CAPG: variants seen among roughly 807,000 people sequenced by gnomAD.
The protein encoded by CAPG is capping actin protein, gelsolin like.
In CAPG, 32 loss-of-function variants were observed where a neutral mutation model predicts 44.6. The ratio of observed to expected loss-of-function variants is 0.72; its 90% CI spans 0.54 to 0.96. The LOEUF is 0.96. Ranked by LOEUF, CAPG falls within the 50% of genes least tolerant of loss-of-function variation. The probability of loss-of-function intolerance (pLI) is 0.00; values close to 1 mark genes in which losing one functional copy is unlikely to be tolerated. For missense variants in CAPG, 412 were observed against 438.3 expected (o/e 0.94, Z 0.54); for synonymous variants, 175 against 179.6 (o/e 0.97, Z 0.20).
chr2:85,416,904 TGGGGAATGGCCA>T (rs545620701), intron 1 of CAPG, among the ~76,000 whole-genome samples: 43 of 152,320 alleles, frequency 2.8e-4, no homozygotes, highest in South Asian at 1.0e-3. Context: ...TCACAGGCCC[TGGGGAATGGCCA>T]GGGGTCTGGG....
chr2:85,405,910 G>A lies in CAPG; in HGVS notation c.-13-3752C>T, dbSNP rs544292910. Among the ~76,000 whole-genome samples, 11 of 152,296 alleles carry A rather than the reference G, an allele frequency of 7.2e-5. No individual in the cohort carries two copies. In the South Asian group the frequency reaches 8.3e-4, roughly 11 times the overall value. On this transcript the variant is annotated intron_variant, in intron 1 of 9. Coordinates refer to ENST00000263867, the MANE Select transcript of CAPG (RefSeq NM_001747.4). The stretch of plus-strand genomic sequence containing the variant: ...CAGGGAGCGCTCAAGAATGAGACAC[G>A]GAGTGCGCCAATTGTCACCTTTACT...
At chr2:85,393,040 CT>C (rs762098033), downstream of CAPG, among the ~76,000 whole-genome samples, 183 of 144,400 alleles carry the variant, frequency 1.3e-3, no homozygotes, top group Non-Finnish European at 1.3e-3. Context: ...ATGCAAAAAT[CT>C]TTTTTTTTTT....
At chr2:85,400,345 A>C (rs1462581262) in intron 5 of CAPG, among the ~76,000 whole-genome samples, 2 of 152,090 alleles carry the variant, frequency 1.3e-5, no homozygotes, top group Non-Finnish European at 2.9e-5. Flanking sequence ...GGTAATGGCG[A>C]GGTCTGTTCA....
upstream of CAPG, among the ~76,000 whole-genome samples, chr2:85,412,462 G>C (rs977402079): frequency 2.0e-5 from 3 of 152,082 alleles, no homozygotes; most frequent in African/African-American, 7.2e-5. Context: ...GCAGTGAGCC[G>C]AGATTGCGCC....
In CAPG at chr2:85,395,818, G is replaced by A. The variant is rs753067172; in HGVS notation, c.893-192C>T. ...AGTCCCTTAAGAATTTTCCCAAACC[G>A]GCAGCACCAAGGTAGATGAAAACCC... On this transcript the variant is annotated intron_variant, in intron 8 of 9. Coordinates refer to ENST00000263867, the MANE Select transcript of CAPG (RefSeq NM_001747.4). The surrounding 1 kb of genome is among the most constrained non-coding windows in gnomAD (Gnocchi z 4.3). 2.0e-5 allele frequency among the ~76,000 whole-genome samples: 3 copies of A among 152,104 alleles called. No homozygotes were observed. Among genetic ancestry groups the A allele is most frequent in the Admixed American group, 6.5e-5 (1 of 15,274 alleles).
intron 5 of CAPG, among the ~76,000 whole-genome samples, chr2:85,400,913 G>A (rs2104805657): frequency 6.6e-6 from 1 of 152,336 alleles, no homozygotes; most frequent in South Asian, 2.1e-4. Flanking sequence ...GAATGGTCTG[G>A]CAGGCAGTGA....
chr2:85,397,098 C>T (rs188964549), intron 8 of CAPG, among the ~76,000 whole-genome samples: 2 of 152,334 alleles, frequency 1.3e-5, no homozygotes, highest in East Asian at 1.9e-4. Flanking sequence ...AGGTTCACCA[C>T]TCACTGCATA....
At chr2:85,393,482 G>A (rs977792814), downstream of CAPG, among the ~76,000 whole-genome samples, 1 of 152,098 alleles carries the variant, frequency 6.6e-6, no homozygotes, top group African/African-American at 2.4e-5. Flanking sequence ...ACCATCCCTG[G>A]CACCTGCTCT....
At chr2:85,393,638 C>T (rs890408353), downstream of CAPG, among the ~76,000 whole-genome samples, 2 of 152,166 alleles carry the variant, frequency 1.3e-5, no homozygotes, top group Non-Finnish European at 2.9e-5. Flanking sequence ...AATCTCGGCT[C>T]ACTGCAACCT....
intron 5 of CAPG, among the ~76,000 whole-genome samples, chr2:85,400,748 T>G (rs1230176006): frequency 6.6e-6 from 1 of 151,676 alleles, no homozygotes; most frequent in Non-Finnish European, 1.5e-5. Flanking sequence ...ATGGCAGCTG[T>G]CCCCCTTAAA....
chr2:85,401,669 G>C lies in CAPG; in HGVS notation c.211C>G (p.Arg71Gly), dbSNP rs145160691. 14 of 1,614,152 alleles carry C rather than the reference G, an allele frequency of 8.7e-6. No homozygotes were observed. Among genetic ancestry groups the C allele is most frequent in the Non-Finnish European group, 1.1e-5 (13 of 1,180,016 alleles). ...LHLWIGQQSS[R>G]DEQGACAVLA... is the part of the protein sequence containing the mutation. ...ACGGCACAGGCCCCCTGCTCATCCC[G>C]GGATGACTGCTGGCCTGGGACAAGT... The change falls in exon 4 of 10, where the codon CGG (arginine) becomes GGG (glycine). Residue 71 changes from arginine (R) to glycine (G), a missense_variant. Arg to Gly is a moderately radical substitution (Grantham distance 125). Transcript: ENST00000263867.
intron 4 of CAPG, 29 bp downstream of exon 4, chr2:85,401,500 G>T: frequency 6.2e-7 from 1 of 1,611,230 alleles, no homozygotes; most frequent in Non-Finnish European, 8.5e-7. Flanking sequence ...GAAGCTGCAG[G>T]GTGGGGGTGC....
chr2:85,409,884 T>G (rs1687340947), intron 1 of CAPG: 1 of 152,200 alleles, frequency 6.6e-6, no homozygotes, highest in South Asian at 2.1e-4. Flanking sequence ...CCCAAGCCAC[T>G]CCCACCCAAA....
At chr2:85,409,494 A>G (rs543625784) in intron 1 of CAPG, among the ~76,000 whole-genome samples, 2 of 152,234 alleles carry the variant, frequency 1.3e-5, no homozygotes, top group African/African-American at 4.8e-5. Flanking sequence ...TGCCTTCCTC[A>G]GACCCTGATT....
intron 1 of CAPG, among the ~76,000 whole-genome samples, chr2:85,408,177 T>C (rs1018147656): frequency 6.6e-6 from 1 of 152,122 alleles, no homozygotes; most frequent in African/African-American, 2.4e-5. Flanking sequence ...ACTCCATCTC[T>C]GCTAAAAATA....
At chr2:85,415,343 A>G (rs1290573520), upstream of CAPG, among the ~76,000 whole-genome samples, 2 of 152,234 alleles carry the variant, frequency 1.3e-5, no homozygotes, top group Admixed American at 6.5e-5. Flanking sequence ...GCTTCCAGAC[A>G]ACTAGGCCTC....
At chr2:85,402,700 A>T (rs1427003947) in intron 1 of CAPG, among the ~76,000 whole-genome samples, 1 of 151,676 alleles carries the variant, frequency 6.6e-6, no homozygotes, top group Non-Finnish European at 1.5e-5. Context: ...TCCTAACCTC[A>T]AGTGATTTGC....
At chr2:85,401,371 C>T in intron 4 of CAPG, 42 bp from the exon 5 acceptor site, 1 of 1,601,444 alleles carries the variant, frequency 6.2e-7, no homozygotes, top group Non-Finnish European at 8.5e-7. Flanking sequence ...GACAGGAGAC[C>T]CAGAGCCCTC....
rs940279887 is a variant in CAPG at position 85,398,877 on chromosome 2, C to T, written c.667-95G>A. 7.2e-5 allele frequency: 73 copies of T among 1,018,060 alleles called. No homozygotes were observed. The East Asian group carries it at 1.9e-3, about 27-fold the overall frequency. The allele number at this position is 1,018,060 out of a possible 1,614,324, so 63.1% of individuals were successfully genotyped here. Reference sequence around the variant, plus strand: ...GGGCCACTGCTTCTGGTGGGGCAAACTGCGCCCTGCACTAGGGCACCCAGC... The same window carrying T: ...GGGCCACTGCTTCTGGTGGGGCAAATTGCGCCCTGCACTAGGGCACCCAGC... On this transcript the variant is annotated intron_variant, in intron 6 of 9. Coordinates refer to ENST00000263867, the MANE Select transcript of CAPG (RefSeq NM_001747.4).
Sources: gnomAD v4.1 joint callset for allele counts (sites outside exome capture counted in the v4.1 genomes callset) on GRCh38, gnomAD v4.1.1 for gene constraint, Gnocchi (gnomAD v3.1) non-coding constraint, MANE v1.5 for transcripts, NCBI Gene and HGNC (gene_info 2026-07-23, HGNC 2026-07-21) for gene names.